The following PDE4D variants were observed in gnomAD, a reference collection of about 807,000 sequenced individuals.
PDE4D encodes the protein phosphodiesterase 4D.
PDE4D carries 24 observed loss-of-function variants against 87.4 expected under a neutral mutation model. The observed-to-expected ratio is 0.27, with a 90% CI of 0.20 to 0.39. PDE4D has a LOEUF of 0.39. Among genes scored for constraint, PDE4D ranks in the 10% least tolerant of loss-of-function variants. PDE4D has a pLI of 1.00. For synonymous variants in PDE4D, 384 were observed against 383.2 expected (o/e 1.00, Z -0.02); for missense variants, 714 against 1,041.0 (o/e 0.69, Z 4.32).
intron 1 of PDE4D, among the ~76,000 whole-genome samples, chr5:59,425,234 A>G (rs1256342483): frequency 1.3e-5 from 2 of 152,198 alleles, no homozygotes; most frequent in Non-Finnish European, 2.9e-5. Flanking sequence ...AAAAGAAAGT[A>G]TTTTCATGAA....
At chr5:60,125,578 C>G (rs1404046191) in intron 2 of PDE4D, among the ~76,000 whole-genome samples, 1 of 151,272 alleles carries the variant, frequency 6.6e-6, no homozygotes, top group South Asian at 2.1e-4. Flanking sequence ...TTTGAAAGAC[C>G]CAAGCGGGGA....
chr5:59,726,014 C>T (rs1160838700), intron 1 of PDE4D, among the ~76,000 whole-genome samples: 1 of 152,056 alleles, frequency 6.6e-6, no homozygotes, highest in Non-Finnish European at 1.5e-5. Flanking sequence ...TATTAATGCC[C>T]ACACCACTGT....
intron 1 of PDE4D, among the ~76,000 whole-genome samples, chr5:59,616,342 A>G (rs964077211): frequency 6.6e-6 from 1 of 152,202 alleles, no homozygotes; most frequent in Non-Finnish European, 1.5e-5. Context: ...CTTTATGTAC[A>G]TGAGTGGTTT....
intron 1 of PDE4D, among the ~76,000 whole-genome samples, chr5:59,218,855 T>A (rs1348982193): frequency 6.6e-6 from 1 of 152,066 alleles, no homozygotes; most frequent in Non-Finnish European, 1.5e-5. Context: ...TGATATTTTA[T>A]TGGACTTTTT....
At chr5:59,433,078 C>T (rs1796340507) in intron 1 of PDE4D, among the ~76,000 whole-genome samples, 1 of 152,078 alleles carries the variant, frequency 6.6e-6, no homozygotes, top group South Asian at 2.1e-4. Context: ...GCTCTTTGGA[C>T]ATACTCCTTC....
At chr5:59,189,535 A>G (rs535334064) in intron 3 of PDE4D, among the ~76,000 whole-genome samples, 1 of 152,254 alleles carries the variant, frequency 6.6e-6, no homozygotes, top group African/African-American at 2.4e-5. Context: ...GAGTTTTACT[A>G]CAGGGTAGTT....
At chr5:60,222,231 G>A (rs1303848803) in intron 1 of PDE4D, among the ~76,000 whole-genome samples, 3 of 152,038 alleles carry the variant, frequency 2.0e-5, no homozygotes, top group African/African-American at 7.2e-5. Flanking sequence ...GGATCCACAT[G>A]GCAAGGAACT....
chr5:60,226,621 G>A (rs1745135885), intron 1 of PDE4D, among the ~76,000 whole-genome samples: 1 of 152,016 alleles, frequency 6.6e-6, no homozygotes, highest in African/African-American at 2.4e-5. Flanking sequence ...CTGCAAGGAA[G>A]GTCAACTGTA....
At chr5:59,321,499 G>A (rs1197772150) in intron 1 of PDE4D, among the ~76,000 whole-genome samples, 3 of 152,072 alleles carry the variant, frequency 2.0e-5, no homozygotes, top group African/African-American at 7.2e-5. Context: ...TCTTGCCTTT[G>A]TGTTCTCCCT....
chr5:59,878,809 T>A (rs1053361626), intron 1 of PDE4D, among the ~76,000 whole-genome samples: 2 of 151,550 alleles, frequency 1.3e-5, no homozygotes, highest in African/African-American at 2.4e-5. Context: ...TTATTTCTCA[T>A]CTGGTTTACT....
chr5:59,697,656 C>T (rs1751976259), intron 1 of PDE4D, among the ~76,000 whole-genome samples: 1 of 152,132 alleles, frequency 6.6e-6, no homozygotes, highest in Non-Finnish European at 1.5e-5. Flanking sequence ...GGTTGTGAGC[C>T]AAGATTCCAG....
chr5:60,092,410 T>C (rs1775231979), intron 2 of PDE4D, among the ~76,000 whole-genome samples: 1 of 152,158 alleles, frequency 6.6e-6, no homozygotes, highest in African/African-American at 2.4e-5. Context: ...ATTTATTTTA[T>C]ATTGCAAAAT....
chr5:59,399,292 GAAC>G lies in PDE4D; in HGVS notation c.456-183327_456-183325del, dbSNP rs1211601601. Among the ~76,000 whole-genome samples, 3 of 134,042 alleles carry G rather than the reference GAAC, an allele frequency of 2.2e-5. No individual in the cohort carries two copies. The East Asian group carries it at 6.7e-4, about 30-fold the overall frequency. The allele number at this position is 134,042 out of a possible 152,430, so 87.9% of individuals were successfully genotyped here. A position where few individuals can be genotyped will look rare whatever the true frequency, so the allele number is the denominator to read the frequency against. ...TCACCAAGTCAAACCTAAGCCAAAA[GAAC>G]AAAGCTGGAGGCATCACGCTACCTG... On this transcript the variant is annotated intron_variant, in intron 1 of 14. Transcript: ENST00000340635.
At chr5:59,797,205 C>G (rs554164255) in intron 1 of PDE4D, 5 of 150,390 alleles carry the variant, frequency 3.3e-5, no homozygotes, top group South Asian at 4.3e-4. Flanking sequence ...AATAAACACT[C>G]TTAAGCAGGA....
chr5:59,115,384 T>A (rs368084746), intron 5 of PDE4D, among the ~76,000 whole-genome samples: 6 of 152,144 alleles, frequency 3.9e-5, no homozygotes, highest in African/African-American at 1.4e-4. Flanking sequence ...GTAGATTTTC[T>A]TTTTCTGTTG....
intron 1 of PDE4D, among the ~76,000 whole-genome samples, chr5:59,345,006 A>G (rs769442604): frequency 3.3e-4 from 50 of 152,174 alleles, no homozygotes; most frequent in Non-Finnish European, 4.6e-4. Context: ...GATATCATCA[A>G]TCAGTTATGG....
At chr5:59,174,801 C>A (rs1232377254) in intron 5 of PDE4D, among the ~76,000 whole-genome samples, 2 of 152,114 alleles carry the variant, frequency 1.3e-5, no homozygotes, top group African/African-American at 4.8e-5. Flanking sequence ...GAAAAAGGAA[C>A]CACATGTTTA....
intron 1 of PDE4D, among the ~76,000 whole-genome samples, chr5:60,269,452 A>T (rs572566332): frequency 2.2e-4 from 33 of 152,374 alleles, no homozygotes; most frequent in Middle Eastern, 6.8e-3. Context: ...GGATTTAATT[A>T]CATTTTATCT....
At position 59,171,768 on chromosome 5, in the gene PDE4D, C is replaced by CTCTA. The variant is rs374001999; in HGVS notation, c.808+8826_808+8827insTAGA. ...GTAGAGCCACTGGCTCTCTCTCTCTCTATATATGAATACATATTCATATAT... is the reference window on the plus strand; with the variant it reads ...GTAGAGCCACTGGCTCTCTCTCTCTCTCTATATATATGAATACATATTCATATAT... On this transcript the variant is annotated intron_variant, in intron 5 of 14. Coordinates refer to ENST00000340635, the MANE Select transcript of PDE4D (RefSeq NM_001104631.2). Among the ~76,000 whole-genome samples, 355 of 140,118 alleles carry CTCTA rather than the reference C, an allele frequency of 2.5e-3. 2 individuals carry two copies. The highest frequency in any genetic ancestry group is 0.017 in the East Asian group (83 of 4,962). The allele number at this position is 140,118 out of a possible 152,430, so 91.9% of individuals were successfully genotyped here.
Sources: gnomAD v4.1 joint callset for allele counts (sites outside exome capture counted in the v4.1 genomes callset) on GRCh38, gnomAD v4.1.1 for gene constraint, MANE v1.5 for transcripts, NCBI Gene and HGNC (gene_info 2026-07-23, HGNC 2026-07-21) for gene names.